MACROD1: variants seen among roughly 807,000 people sequenced by gnomAD.
MACROD1 encodes the protein mono-ADP ribosylhydrolase 1, also known as ADP-ribose glycohydrolase MACROD1.
In MACROD1, 31 loss-of-function variants were observed where a neutral mutation model predicts 41.4. The observed-to-expected ratio is 0.75, with a 90% confidence interval of 0.56 to 1.01. The LOEUF is 1.01. MACROD1 is among the 50% of genes least tolerant of loss of function. The probability of loss-of-function intolerance (pLI) is 0.00; values close to 1 mark genes in which losing one functional copy is unlikely to be tolerated. For missense variants in MACROD1, 473 were observed against 460.0 expected (o/e 1.03, Z -0.26); for synonymous variants, 252 against 203.4 (o/e 1.24, Z -2.03).
chr11:64,003,289 C>G (rs1942857520), intron 4 of MACROD1, among the ~76,000 whole-genome samples: 1 of 152,204 alleles, frequency 6.6e-6, no homozygotes, highest in Admixed American at 6.5e-5. Context: ...GCAATCTTGG[C>G]TCACTGCAAC....
At chr11:64,069,322 C>T (rs1944063223) in intron 3 of MACROD1, among the ~76,000 whole-genome samples, 1 of 152,160 alleles carries the variant, frequency 6.6e-6, no homozygotes, top group Non-Finnish European at 1.5e-5. Context: ...GGCTGTCAGC[C>T]GAAGAGCCTG....
chr11:64,151,273 G>A lies in MACROD1; in HGVS notation c.483C>T (p.Ile161=). ...NEKISLLRSD[I]TKLEVDAIVN... ...CGATGGCGTCCACCTCCAGCTTGGT[G>A]ATGTCGCTGCGGAGCAGGGAGATTT... The change falls in exon 3 of 11, where the codon ATC becomes ATT. Residue 161 remains isoleucine, a synonymous_variant. Transcript: ENST00000255681. 3.1e-6 allele frequency: 5 copies of A among 1,613,886 alleles called. No individual in the cohort carries two copies. Among genetic ancestry groups the A allele is most frequent in the Non-Finnish European group, 4.2e-6 (5 of 1,180,024 alleles).
chr11:64,048,003 G>A (rs1387827012), intron 3 of MACROD1, among the ~76,000 whole-genome samples: 1 of 152,154 alleles, frequency 6.6e-6, no homozygotes, highest in Non-Finnish European at 1.5e-5. Flanking sequence ...TGCCCTGTGT[G>A]CTGGGCCTGA....
At chr11:64,124,730 G>C (rs1477192757) in intron 3 of MACROD1, among the ~76,000 whole-genome samples, 1 of 152,062 alleles carries the variant, frequency 6.6e-6, no homozygotes, top group Non-Finnish European at 1.5e-5. Context: ...GCCCAGGCTG[G>C]AGTGCAATGG....
At chr11:64,056,545 G>A (rs189109894) in intron 3 of MACROD1, among the ~76,000 whole-genome samples, 64 of 152,330 alleles carry the variant, frequency 4.2e-4, no homozygotes, top group African/African-American at 1.4e-3. Flanking sequence ...GCAACAGCCG[G>A]GGGCCTGGCC....
intron 3 of MACROD1, among the ~76,000 whole-genome samples, chr11:64,017,360 C>T (rs1943095612): frequency 6.6e-6 from 1 of 152,082 alleles, no homozygotes; most frequent in South Asian, 2.1e-4. Context: ...CATAACAAAG[C>T]CACAAGGGAG....
chr11:64,162,596 C>T (rs1438030774), intron 1 of MACROD1, among the ~76,000 whole-genome samples: 3 of 151,906 alleles, frequency 2.0e-5, no homozygotes, highest in East Asian at 1.9e-4. Context: ...GGGCAGATCA[C>T]GAGGTCAGGA....
chr11:64,075,811 T>TA (rs1259269766), intron 3 of MACROD1, among the ~76,000 whole-genome samples: 1 of 152,236 alleles, frequency 6.6e-6, no homozygotes, highest in East Asian at 1.9e-4. Context: ...TAGCTGGAGT[T>TA]ATAGACTTGA....
intron 3 of MACROD1, among the ~76,000 whole-genome samples, chr11:64,077,050 G>C (rs906638310): frequency 6.6e-6 from 1 of 151,964 alleles, no homozygotes; most frequent in African/African-American, 2.4e-5. Flanking sequence ...GGGAGATAGG[G>C]CAGGGTAGGG....
chr11:64,028,375 G>A (rs532075594), intron 3 of MACROD1, among the ~76,000 whole-genome samples: 82 of 152,374 alleles, frequency 5.4e-4, no homozygotes, highest in African/African-American at 1.9e-3. Flanking sequence ...TGGCCTGGGC[G>A]CCTCCTCTTC....
chr11:64,021,053 C>T (rs1399667758), intron 3 of MACROD1, among the ~76,000 whole-genome samples: 7 of 152,196 alleles, frequency 4.6e-5, no homozygotes, highest in African/African-American at 1.7e-4. Context: ...CTCCTGCCCT[C>T]GGGTGTCTCC....
At chr11:64,073,773 G>A (rs1020874340) in intron 3 of MACROD1, among the ~76,000 whole-genome samples, 1 of 152,206 alleles carries the variant, frequency 6.6e-6, no homozygotes, top group Non-Finnish European at 1.5e-5. Context: ...AAACACTGGA[G>A]CTTCCCACTG....
intron 3 of MACROD1, among the ~76,000 whole-genome samples, chr11:64,030,597 C>CG (rs1329321414): frequency 1.3e-5 from 2 of 152,120 alleles, no homozygotes; most frequent in African/African-American, 4.8e-5. Context: ...GCAAACACAA[C>CG]GCCAGAGAAA....
chr11:64,020,534 C>T (rs1590806316), intron 3 of MACROD1, among the ~76,000 whole-genome samples: 1 of 152,104 alleles, frequency 6.6e-6, no homozygotes, highest in African/African-American at 2.4e-5. Flanking sequence ...CTCCCTCTGC[C>T]GTACATATGG....
At chr11:64,139,514 C>T (rs903575700) in intron 3 of MACROD1, among the ~76,000 whole-genome samples, 1 of 152,188 alleles carries the variant, frequency 6.6e-6, no homozygotes, top group Non-Finnish European at 1.5e-5. Context: ...CCCCTGCCCT[C>T]GAGGGGCTCG....
intron 3 of MACROD1, chr11:64,117,147 C>T (rs776473102): frequency 9.9e-6 from 16 of 1,613,654 alleles, no homozygotes; most frequent in African/African-American, 4.0e-5. Flanking sequence ...GGCCAAGATG[C>T]GTGAGCTGGA....
At chr11:64,164,886 G>A (rs1473730992) in intron 1 of MACROD1, among the ~76,000 whole-genome samples, 2 of 152,160 alleles carry the variant, frequency 1.3e-5, no homozygotes, top group Non-Finnish European at 2.9e-5. Flanking sequence ...GCTATTTGGG[G>A]CTCAGTAGCG....
chr11:64,078,906 G>T (rs1188070861), intron 3 of MACROD1, among the ~76,000 whole-genome samples: 1 of 152,224 alleles, frequency 6.6e-6, no homozygotes, highest in African/African-American at 2.4e-5. Context: ...GAGTTTGGCA[G>T]GTTCCAGGAC....
At chr11:64,081,124 C>T (rs1437725747) in intron 3 of MACROD1, among the ~76,000 whole-genome samples, 1 of 152,188 alleles carries the variant, frequency 6.6e-6, no homozygotes, top group African/African-American at 2.4e-5. Flanking sequence ...CAGGTTCAGA[C>T]AATTCTTCTG....
Sources: allele counts gnomAD v4.1 joint callset (sites outside exome capture counted in the v4.1 genomes callset), GRCh38; gene constraint gnomAD v4.1.1; transcripts MANE v1.5; gene names NCBI Gene and HGNC (gene_info 2026-07-23, HGNC 2026-07-21).